Variants in PHF19 observed in about 807,000 individuals in gnomAD.
The protein encoded by PHF19 is PHD finger protein 19.
A neutral mutation model predicts 79.8 loss-of-function variants in PHF19; 21 were observed. The observed-to-expected ratio is 0.26, with a 90% CI of 0.19 to 0.38. The LOEUF is 0.38. PHF19 is among the 10% of genes least tolerant of loss of function. The pLI, the probability that PHF19 is intolerant of heterozygous loss-of-function variation, is 1.00. For synonymous variants in PHF19, 273 were observed against 296.3 expected (o/e 0.92, Z 0.81); for missense variants, 445 against 744.2 (o/e 0.60, Z 4.68).
upstream of PHF19, among the ~76,000 whole-genome samples, chr9:120,897,855 T>C (rs1309565243): frequency 6.6e-6 from 1 of 151,612 alleles, no homozygotes; most frequent in Non-Finnish European, 1.5e-5. Flanking sequence ...GGTGGGCCCC[T>C]GTAGTCCCAG....
At chr9:120,890,417 G>A (rs973357804) in intron 1 of PHF19, among the ~76,000 whole-genome samples, 1 of 151,650 alleles carries the variant, frequency 6.6e-6, no homozygotes, top group Non-Finnish European at 1.5e-5. Flanking sequence ...GTACTGAAAT[G>A]TCTAACTTTG....
rs2045622298 is a variant in PHF19 at position 120,864,067 on chromosome 9, A to T, written c.950T>A (p.Leu317Gln). ...TDRGPHLLNALNSYKSRFLCG... is the reference protein window; with the variant it reads ...TDRGPHLLNAQNSYKSRFLCG... The stretch of plus-strand genomic sequence containing the variant: ...CACGCACCGGCTTTTATAACTGTTC[A>T]GAGCGTTGAGGAGATGTGGTCCTCG... Residue 317 changes from leucine (L) to glutamine (Q), a missense_variant, in exon 10 of 15, where the codon CTG (leucine) becomes CAG (glutamine). Transcript: ENST00000373896. 6.2e-7 allele frequency: 1 copy of T among 1,613,788 alleles called. No homozygotes were observed.
chr9:120,887,759 C>T (rs1395887942), intron 1 of PHF19, among the ~76,000 whole-genome samples: 2 of 151,896 alleles, frequency 1.3e-5, no homozygotes, highest in Non-Finnish European at 2.9e-5. Context: ...CAGTAGAAAT[C>T]ATACTATGAT....
In PHF19 at chr9:120,862,066, C is replaced by T. The variant is rs1184933653; in HGVS notation, c.1131-61G>A. On this transcript the variant is annotated intron_variant, in intron 11 of 14. Transcript: ENST00000373896. This position sits in a 1 kb window ranked among gnomAD's most constrained non-coding sequence, Gnocchi z 4.6. ...AGAGCCTGAGGGCCCTAGGGTGGCC[C>T]AGAGGGAGGCGCCGCAGGGGCGGGG... The T allele has an allele frequency of 7.9e-7, 1 of 1,258,324 alleles. No homozygotes were observed. The highest frequency in any genetic ancestry group is 1.2e-6 in the Non-Finnish European group (1 of 855,882). The allele number at this position is 1,258,324 out of a possible 1,614,324, so 77.9% of individuals were successfully genotyped here. A position where few individuals can be genotyped will look rare whatever the true frequency, so the allele number is the denominator to read the frequency against.
At chr9:120,896,252 G>A (rs1191449479), upstream of PHF19, among the ~76,000 whole-genome samples, 2 of 151,986 alleles carry the variant, frequency 1.3e-5, no homozygotes, top group Non-Finnish European at 2.9e-5. Flanking sequence ...GGGCTCACTC[G>A]TACCTGGCAC....
At chr9:120,881,496 T>C (rs1226006538), upstream of PHF19, among the ~76,000 whole-genome samples, 1 of 151,988 alleles carries the variant, frequency 6.6e-6, no homozygotes, top group East Asian at 1.9e-4. Context: ...GAAAAAAAAA[T>C]TAAAATCTGA....
At chr9:120,861,889 A>T (rs767260420) in intron 12 of PHF19, 29 bp downstream of exon 12, 1 of 1,489,928 alleles carries the variant, frequency 6.7e-7, no homozygotes, top group South Asian at 1.1e-5. Flanking sequence ...TGCGTATGAA[A>T]ATGGAGAGTA....
At chr9:120,868,228 C>T (rs1362315289) in intron 6 of PHF19, 1 of 152,274 alleles carries the variant, frequency 6.6e-6, no homozygotes, top group African/African-American at 2.4e-5. Flanking sequence ...TGTGCCACCG[C>T]GCCAGGCGGG....
chr9:120,863,999 A>T (rs758348053), intron 10 of PHF19, 50 bp downstream of exon 10: 2 of 1,402,306 alleles, frequency 1.4e-6, no homozygotes, highest in African/African-American at 2.8e-5. Context: ...GTAGGAAGGA[A>T]TCTCACCTGT....
upstream of PHF19, among the ~76,000 whole-genome samples, chr9:120,898,841 C>T (rs1408729646): frequency 3.3e-5 from 5 of 152,052 alleles, no homozygotes; most frequent in Non-Finnish European, 7.4e-5. Context: ...TTTCATGGAG[C>T]GATGTAGGTA....
At chr9:120,894,877 T>C in exon 1 of PHF19, 1 of 1,014,828 alleles carries the variant, frequency 9.9e-7, no homozygotes, top group Non-Finnish European at 1.3e-6. Flanking sequence ...GAATGAATGC[T>C]AAATACACGA....
At chr9:120,858,436 C>A in intron 14 of PHF19, 150 bp from the exon 15 acceptor site, 1 of 561,300 alleles carries the variant, frequency 1.8e-6, no homozygotes, top group Admixed American at 3.6e-5. Flanking sequence ...CATGCTCTCT[C>A]AAAGGTGCCT....
At chr9:120,863,718 G>A (rs1180489152) in intron 10 of PHF19, among the ~76,000 whole-genome samples, 3 of 152,130 alleles carry the variant, frequency 2.0e-5, no homozygotes, top group East Asian at 1.9e-4. Context: ...TCTTCCACCC[G>A]AGGATGTAGC....
intron 3 of PHF19, among the ~76,000 whole-genome samples, chr9:120,873,754 C>T (rs1372588017): frequency 3.3e-5 from 5 of 152,232 alleles, no homozygotes; most frequent in African/African-American, 1.2e-4. Context: ...CCTGCCCATC[C>T]TCCCTCCTGG....
intron 1 of PHF19, among the ~76,000 whole-genome samples, chr9:120,886,545 C>G (rs555791699): frequency 2.0e-5 from 3 of 152,208 alleles, no homozygotes; most frequent in Non-Finnish European, 4.4e-5. Flanking sequence ...GTCATTTATT[C>G]ACTCATCCTT....
intron 6 of PHF19, chr9:120,868,411 C>T (rs1462566556): frequency 6.6e-6 from 1 of 152,318 alleles, no homozygotes; most frequent in African/African-American, 2.4e-5. Flanking sequence ...GTAATTCATG[C>T]TCTGCTCATA....
At chr9:120,887,159 A>G (rs2046275805) in intron 1 of PHF19, among the ~76,000 whole-genome samples, 1 of 152,160 alleles carries the variant, frequency 6.6e-6, no homozygotes, top group South Asian at 2.1e-4. Flanking sequence ...CCTTAAGAGT[A>G]AAAACAGGTT....
chr9:120,888,402 G>A (rs144604097), intron 1 of PHF19, among the ~76,000 whole-genome samples: 4 of 152,342 alleles, frequency 2.6e-5, no homozygotes, highest in South Asian at 2.1e-4. Context: ...GCACTGAGCC[G>A]TGAACTTATG....
In PHF19 at chr9:120,866,798, A is replaced by C; in HGVS notation, c.710+72T>G. On this transcript the variant is annotated intron_variant, in intron 7 of 14. Coordinates refer to ENST00000373896, the MANE Select transcript of PHF19 (RefSeq NM_015651.3). The surrounding 1 kb of genome is among the most constrained non-coding windows in gnomAD (Gnocchi z 5.2). The stretch of plus-strand genomic sequence containing the variant: ...GTCTGGAGCCTGGCAGTCAACCTGC[A>C]GGAGTTGTTGCTGCCATCCCTGCCC... 3.7e-6 allele frequency: 3 copies of C among 809,310 alleles called. No individual in the cohort carries two copies. The South Asian group carries it at 4.1e-5, about 11-fold the overall frequency. 50.1% of individuals were successfully genotyped at this position (809,310 alleles called of 1,614,324 possible).
Sources: allele counts gnomAD v4.1 joint callset (sites outside exome capture counted in the v4.1 genomes callset), GRCh38; gene constraint gnomAD v4.1.1; non-coding constraint Gnocchi (gnomAD v3.1); transcripts MANE v1.5; gene names NCBI Gene and HGNC (gene_info 2026-07-23, HGNC 2026-07-21).